SNTG2: variants seen among roughly 807,000 people sequenced by gnomAD.
SNTG2 encodes syntrophin gamma 2, also known as gamma-2-syntrophin.
SNTG2 carries 74 observed loss-of-function variants against 70.9 expected under a neutral mutation model. That is an observed-to-expected ratio of 1.04 (90% CI 0.86 to 1.27). The LOEUF is 1.27. Among genes scored for constraint, SNTG2 ranks in the 50% most tolerant of loss-of-function variants. The pLI, the probability that SNTG2 is intolerant of heterozygous loss-of-function variation, is 0.00. For synonymous variants in SNTG2, 278 were observed against 273.8 expected, an observed-to-expected ratio of 1.02 and a Z score of -0.15; for missense variants, 717 against 690.7, an observed-to-expected ratio of 1.04 and a Z score of -0.43.
chr2:1,204,624 A>G (rs1335060383), intron 8 of SNTG2, among the ~76,000 whole-genome samples: 1 of 152,238 alleles, frequency 6.6e-6, no homozygotes, highest in African/African-American at 2.4e-5. Context: ...AAGGAGACGG[A>G]GGAGTACAGT....
intron 16 of SNTG2, among the ~76,000 whole-genome samples, chr2:1,322,253 A>G (rs973537077): frequency 6.6e-6 from 1 of 152,204 alleles, no homozygotes; most frequent in African/African-American, 2.4e-5. Flanking sequence ...TCAGTCACAA[A>G]ACTTCACTTG....
At chr2:1,299,749 G>A (rs1227690988) in intron 14 of SNTG2, among the ~76,000 whole-genome samples, 2 of 152,214 alleles carry the variant, frequency 1.3e-5, no homozygotes, top group African/African-American at 4.8e-5. Context: ...TCAGGACACA[G>A]GGACAGAGAG....
intron 8 of SNTG2, among the ~76,000 whole-genome samples, chr2:1,173,736 C>G (rs1480002874): frequency 6.6e-6 from 1 of 152,242 alleles, no homozygotes; most frequent in Non-Finnish European, 1.5e-5. Flanking sequence ...GGCTCACACT[C>G]TCCTTCCTCA....
intron 16 of SNTG2, among the ~76,000 whole-genome samples, chr2:1,356,144 A>T (rs9750256): frequency 0.72 from 109,720 of 152,002 alleles, 39,894 homozygotes; most frequent in East Asian, 0.94. Flanking sequence ...GGTTGCATTT[A>T]CACTCTTCTG....
At chr2:1,123,989 G>C (rs1667541061) in intron 4 of SNTG2, among the ~76,000 whole-genome samples, 1 of 152,146 alleles carries the variant, frequency 6.6e-6, no homozygotes, top group South Asian at 2.1e-4. Context: ...TGGAGAATGG[G>C]GAGATGACGG....
At chr2:1,059,384 TC>T (rs1662669868) in intron 1 of SNTG2, 1 of 149,684 alleles carries the variant, frequency 6.7e-6, no homozygotes, top group Non-Finnish European at 1.5e-5. Flanking sequence ...ATAATAATAA[TC>T]AGTCAAGATA....
At chr2:1,031,223 TG>T (rs1558325342) in intron 1 of SNTG2, among the ~76,000 whole-genome samples, 2 of 152,056 alleles carry the variant, frequency 1.3e-5, no homozygotes, top group Middle Eastern at 3.4e-3. Flanking sequence ...TTTTGTTGAG[TG>T]GACTTTACGT....
At chr2:1,235,811 A>G (rs959506817) in intron 9 of SNTG2, among the ~76,000 whole-genome samples, 3 of 152,214 alleles carry the variant, frequency 2.0e-5, no homozygotes, top group African/African-American at 7.2e-5. Flanking sequence ...TAGAGCTCTG[A>G]GATGGGGAAA....
chr2:1,282,318 T>G (rs942403937), intron 14 of SNTG2, among the ~76,000 whole-genome samples: 1 of 152,210 alleles, frequency 6.6e-6, no homozygotes, highest in Non-Finnish European at 1.5e-5. Flanking sequence ...ATATAAATAC[T>G]ATATCCACCA....
intron 12 of SNTG2, among the ~76,000 whole-genome samples, chr2:1,248,052 A>C (rs925132179): frequency 1.3e-5 from 2 of 152,206 alleles, no homozygotes; most frequent in Non-Finnish European, 2.9e-5. Flanking sequence ...AACTGCAAGC[A>C]AACTAAAAAC....
chr2:1,351,641 C>T (rs2148306733), intron 16 of SNTG2, among the ~76,000 whole-genome samples: 1 of 152,310 alleles, frequency 6.6e-6, no homozygotes, highest in Non-Finnish European at 1.5e-5. Context: ...ACCCACTCGG[C>T]CGCATCCAGC....
chr2:1,329,140 T>C (rs1365257463), intron 16 of SNTG2, among the ~76,000 whole-genome samples: 1 of 152,202 alleles, frequency 6.6e-6, no homozygotes, highest in African/African-American at 2.4e-5. Context: ...AAGTGGGACA[T>C]ATTTGTTTAT....
intron 1 of SNTG2, among the ~76,000 whole-genome samples, chr2:983,879 G>A (rs1336753952): frequency 1.3e-5 from 2 of 152,236 alleles, no homozygotes; most frequent in African/African-American, 4.8e-5. Flanking sequence ...GCAGAGGTGG[G>A]TGCAGAACTC....
intron 1 of SNTG2, among the ~76,000 whole-genome samples, chr2:999,858 A>G (rs922947207): frequency 1.4e-4 from 22 of 151,990 alleles, no homozygotes; most frequent in Non-Finnish European, 1.9e-4. Context: ...ATTTTCCAAG[A>G]CAGACAACAT....
rs531063900 is a variant in SNTG2, at chr2:980,898, G to A, written c.72+29830G>A. ...CTACGTTCCAGATACCTAGGACCTC[G>A]TAAATTCTGACTTCTTAATCATCAT... On this transcript the variant is annotated intron_variant, in intron 1 of 16. Transcript: ENST00000308624. 6.6e-5 allele frequency among the ~76,000 whole-genome samples: 10 copies of A among 152,258 alleles called. No homozygotes were observed. The South Asian group carries it at 1.9e-3, about 28-fold the overall frequency.
intron 4 of SNTG2, among the ~76,000 whole-genome samples, chr2:1,116,342 T>A (rs113228772): frequency 0.013 from 1,909 of 152,324 alleles, 33 homozygotes; most frequent in African/African-American, 0.04. Context: ...GGGAAGCAGG[T>A]GTGAAAACAG....
chr2:1,168,317 A>G (rs1249719241), intron 7 of SNTG2, among the ~76,000 whole-genome samples: 4 of 151,952 alleles, frequency 2.6e-5, no homozygotes, highest in Non-Finnish European at 4.4e-5. Context: ...TGAAGCCTAC[A>G]GGCCGCCCAC....
intron 1 of SNTG2, among the ~76,000 whole-genome samples, chr2:984,985 A>G (rs1173020651): frequency 6.6e-6 from 1 of 152,204 alleles, no homozygotes; most frequent in Non-Finnish European, 1.5e-5. Context: ...TCTAGGCTGC[A>G]CAATTTGCTG....
rs1660700600 is a variant in SNTG2, at chr2:1,353,720, C to G, written c.1489-13623C>G. On this transcript the variant is annotated intron_variant, in intron 16 of 16. Coordinates refer to ENST00000308624, the MANE Select transcript of SNTG2 (RefSeq NM_018968.4). The surrounding 1 kb of genome is among the most constrained non-coding windows in gnomAD (Gnocchi z 4.2). The stretch of plus-strand genomic sequence containing the variant: ...GGTAATGATTGGGAAAACTAAGAAC[C>G]CAGGATGGCTGCTCATCGGAGGGGC... 6.6e-6 allele frequency: 1 copy of G among 152,156 alleles called. No individual in the cohort carries two copies. The highest frequency in any genetic ancestry group is 1.5e-5 in the Non-Finnish European group (1 of 68,032). 9.4% of individuals were successfully genotyped at this position (152,156 alleles called of 1,614,324 possible).
Sources: gnomAD v4.1 joint callset for allele counts (sites outside exome capture counted in the v4.1 genomes callset) on GRCh38, gnomAD v4.1.1 for gene constraint, Gnocchi (gnomAD v3.1) non-coding constraint, MANE v1.5 for transcripts, NCBI Gene and HGNC (gene_info 2026-07-23, HGNC 2026-07-21) for gene names.